The following RBFOX1 variants were observed in gnomAD, a reference collection of about 807,000 sequenced individuals.
RBFOX1 encodes the protein RNA binding fox-1 homolog 1.
Under a neutral mutation model 57.7 loss-of-function variants are expected in RBFOX1, and 8 were observed. The observed-to-expected ratio is 0.14, with a 90% CI of 0.08 to 0.25. The LOEUF (loss-of-function observed/expected upper bound fraction) is 0.25. Ranked by LOEUF, RBFOX1 falls within the 10% of genes least tolerant of loss-of-function variation. The pLI is 1.00. For synonymous variants in RBFOX1, 326 were observed against 222.4 expected (o/e 1.47, Z -4.15); for missense variants, 611 against 548.5 (o/e 1.11, Z -1.14).
intron 1 of RBFOX1, among the ~76,000 whole-genome samples, chr16:5,302,871 T>A (rs192491553): frequency 6.6e-6 from 1 of 152,372 alleles, no homozygotes; most frequent in African/African-American, 2.4e-5. Context: ...TCTTGCTTTT[T>A]TTGGTTTAAT....
chr16:7,099,210 C>A (rs972508826), intron 4 of RBFOX1, among the ~76,000 whole-genome samples: 1 of 152,180 alleles, frequency 6.6e-6, no homozygotes, highest in African/African-American at 2.4e-5. Flanking sequence ...ACAATGTCTT[C>A]TGCATACGTG....
chr16:7,697,658 C>T (rs1040850990), intron 14 of RBFOX1, among the ~76,000 whole-genome samples: 1 of 152,176 alleles, frequency 6.6e-6, no homozygotes, highest in Non-Finnish European at 1.5e-5. Context: ...CATTTAGTAG[C>T]TTGCCCAGTC....
intron 4 of RBFOX1, among the ~76,000 whole-genome samples, chr16:7,112,157 A>T (rs1215804707): frequency 6.6e-6 from 1 of 152,214 alleles, no homozygotes; most frequent in Non-Finnish European, 1.5e-5. Flanking sequence ...GAGAAAATTC[A>T]GAATCATACA....
At chr16:5,558,521 G>C (rs1185423172) in intron 2 of RBFOX1, among the ~76,000 whole-genome samples, 2 of 152,116 alleles carry the variant, frequency 1.3e-5, no homozygotes, top group Non-Finnish European at 1.5e-5. Flanking sequence ...AACTACCTTA[G>C]TGACCAGAGA....
At chr16:6,022,173 C>T (rs956699594) in intron 1 of RBFOX1, among the ~76,000 whole-genome samples, 2 of 152,046 alleles carry the variant, frequency 1.3e-5, no homozygotes, top group Non-Finnish European at 1.5e-5. Context: ...GTTTTTGCAG[C>T]AGTTGTACAT....
At chr16:5,368,619 C>T (rs1033810886) in intron 1 of RBFOX1, among the ~76,000 whole-genome samples, 1 of 152,072 alleles carries the variant, frequency 6.6e-6, no homozygotes, top group Non-Finnish European at 1.5e-5. Flanking sequence ...AAACTCTTGC[C>T]GTTATGCACA....
chr16:6,536,599 G>C (rs1215226053), intron 2 of RBFOX1, among the ~76,000 whole-genome samples: 1 of 151,850 alleles, frequency 6.6e-6, no homozygotes, highest in Non-Finnish European at 1.5e-5. Context: ...CTTGAAGTGT[G>C]ATAAGTCTAA....
chr16:7,379,626 G>A (rs181823176), intron 4 of RBFOX1, among the ~76,000 whole-genome samples: 76 of 152,268 alleles, frequency 5.0e-4, no homozygotes, highest in Admixed American at 1.4e-3. Flanking sequence ...TTGTAGAGGT[G>A]AGGCAGAGGG....
intron 3 of RBFOX1, among the ~76,000 whole-genome samples, chr16:6,711,343 C>T (rs1386789561): frequency 6.6e-6 from 1 of 152,160 alleles, no homozygotes; most frequent in Non-Finnish European, 1.5e-5. Context: ...CACAAGGTCC[C>T]CACATTCTGG....
chr16:6,086,427 A>T lies in RBFOX1; in HGVS notation c.-127+66435A>T, dbSNP rs183987704. Among the ~76,000 whole-genome samples, 17 of 152,330 alleles carry T rather than the reference A, an allele frequency of 1.1e-4. 1 individual carries two copies. Among genetic ancestry groups the T allele is most frequent in the Admixed American group, 9.8e-4 (15 of 15,298 alleles). On this transcript the variant is annotated intron_variant, in intron 1 of 15. Transcript: ENST00000550418. ...CCACTCTGAGTCAGTTCTGCAGAGC[A>T]GTCGGTGGTAAAGTCCTTTCACCAG...
intron 1 of RBFOX1, among the ~76,000 whole-genome samples, chr16:5,363,790 G>C (rs1221732760): frequency 1.3e-5 from 2 of 152,238 alleles, no homozygotes; most frequent in Non-Finnish European, 2.9e-5. Flanking sequence ...AGAAGGGTCA[G>C]AGAGATCTCT....
chr16:6,455,708 C>A (rs984262133), intron 2 of RBFOX1, among the ~76,000 whole-genome samples: 25 of 152,316 alleles, frequency 1.6e-4, no homozygotes, highest in African/African-American at 6.0e-4. Flanking sequence ...TCCTACACTT[C>A]ACAAAGCAGG....
At chr16:5,795,417 C>T (rs1597287077) in intron 3 of RBFOX1, among the ~76,000 whole-genome samples, 1 of 152,158 alleles carries the variant, frequency 6.6e-6, no homozygotes, top group East Asian at 1.9e-4. Context: ...GATCCTCCTG[C>T]CTCAGCCTCC....
At chr16:5,542,415 A>ATT (rs754958698) in intron 2 of RBFOX1, among the ~76,000 whole-genome samples, 1 of 139,108 alleles carries the variant, frequency 7.2e-6, no homozygotes, top group East Asian at 2.1e-4. Flanking sequence ...TGCCTGGCTA[A>ATT]TTTTTTTTTT....
At chr16:6,894,608 T>G (rs558427793) in intron 3 of RBFOX1, among the ~76,000 whole-genome samples, 1 of 152,302 alleles carries the variant, frequency 6.6e-6, no homozygotes, top group South Asian at 2.1e-4. Context: ...TCAGTGCAAT[T>G]TCGTGACAGT....
chr16:5,899,117 C>T (rs998587147), intron 4 of RBFOX1, among the ~76,000 whole-genome samples: 12 of 142,350 alleles, frequency 8.4e-5, no homozygotes, highest in African/African-American at 3.2e-4. Flanking sequence ...TGCACTCCAG[C>T]CCAGGAAACA....
At chr16:5,419,534 C>T (rs569893803) in intron 1 of RBFOX1, among the ~76,000 whole-genome samples, 73 of 152,136 alleles carry the variant, frequency 4.8e-4, no homozygotes, top group Admixed American at 1.0e-3. Flanking sequence ...GTGACACCCT[C>T]ATAGACACAC....
chr16:7,085,518 C>T (rs762635375), intron 4 of RBFOX1, among the ~76,000 whole-genome samples: 1 of 152,080 alleles, frequency 6.6e-6, no homozygotes, highest in Non-Finnish European at 1.5e-5. Flanking sequence ...CACTGCATCC[C>T]GGGTGCCTCC....
At chr16:7,080,077 A>T (rs542750506) in intron 4 of RBFOX1, among the ~76,000 whole-genome samples, 2 of 142,966 alleles carry the variant, frequency 1.4e-5, no homozygotes, top group Non-Finnish European at 1.5e-5. Context: ...ATACATATAT[A>T]CATATGTATA....
Sources: gnomAD v4.1 joint callset for allele counts (sites outside exome capture counted in the v4.1 genomes callset) on GRCh38, gnomAD v4.1.1 for gene constraint, MANE v1.5 for transcripts, NCBI Gene and HGNC (gene_info 2026-07-23, HGNC 2026-07-21) for gene names.